ABHD1: variants seen among roughly 807,000 people sequenced by gnomAD.
ABHD1 encodes the protein abhydrolase domain containing 1, also known as protein ABHD1.
ABHD1 carries 47 observed loss-of-function variants against 41.4 expected under a neutral mutation model. That is an observed-to-expected ratio of 1.13 (90% CI 0.90 to 1.45). The LOEUF is 1.45. Ranked by LOEUF, ABHD1 falls within the 40% of genes most tolerant of loss-of-function variation. The pLI, the probability that ABHD1 is intolerant of heterozygous loss-of-function variation, is 0.00. For missense variants in ABHD1, 550 were observed against 503.4 expected (o/e 1.09, Z -0.89); for synonymous variants, 205 against 203.7 (o/e 1.01, Z -0.05).
rs1449965121 is a variant in ABHD1 at position 27,129,129 on chromosome 2, T to C, written c.458+2T>C. ...CCAAGCTCTGAGGGATGGCTACCAG[T>C]AAGGATGGGTGCAGCCCCAGAGTGG... On this transcript the variant is annotated splice_donor_variant, in intron 3 of 8. Transcript: ENST00000316470. LOFTEE classifies it high-confidence loss of function. The C allele has an allele frequency of 6.2e-7, 1 of 1,612,030 alleles. No individual in the cohort carries two copies. Among genetic ancestry groups the C allele is most frequent in the East Asian group, 2.2e-5 (1 of 44,862 alleles).
At position 27,130,255 on chromosome 2, in the gene ABHD1, G is replaced by C. The variant is rs145985238; in HGVS notation, c.845G>C (p.Arg282Pro). The C allele has an allele frequency of 2.7e-5, 43 of 1,614,086 alleles. No individual in the cohort carries two copies. The highest frequency in any genetic ancestry group is 3.6e-5 in the Non-Finnish European group (42 of 1,180,034). ...ATCCTATGGTAAGACCTGCAGGCCC[G>C]TACAATCCGCCAGTTTGATGAGCGC... ...VVDIDFVLQA[R>P]TIRQFDERYT... Residue 282 changes from arginine to proline, a missense_variant, in exon 8 of 9, where the codon CGT becomes CCT. By Grantham distance (103) the Arg-to-Pro change is moderately radical. Coordinates refer to ENST00000316470, the MANE Select transcript of ABHD1 (RefSeq NM_032604.4).
In ABHD1 at chr2:27,128,987, C is replaced by T. The variant is rs371529032; in HGVS notation, c.318C>T (p.Asp106=). Residue 106 remains aspartate (D), a synonymous_variant, in exon 3 of 9, where the codon GAC becomes GAT. Coordinates refer to ENST00000316470, the MANE Select transcript of ABHD1 (RefSeq NM_032604.4). Reference sequence around the variant, plus strand: ...CAGATGGAGGCCAGCTCCTGCTAGACTGGGCCAAGCAGCCTGACAGCAGCC... The same window carrying T: ...CAGATGGAGGCCAGCTCCTGCTAGATTGGGCCAAGCAGCCTGACAGCAGCC... ...QTPDGGQLLL[D]WAKQPDSSQD... 2.2e-5 allele frequency: 36 copies of T among 1,614,090 alleles called. No individual in the cohort carries two copies. In the African/African-American group the frequency reaches 3.3e-4, roughly 15 times the overall value.
At chr2:27,124,124 G>C in intron 1 of ABHD1, 62 bp downstream of exon 1, 1 of 1,478,816 alleles carries the variant, frequency 6.8e-7, no homozygotes, top group Non-Finnish European at 9.4e-7. Flanking sequence ...TTCCAGACAC[G>C]GGCTTGGGCC....
intron 1 of ABHD1, chr2:27,125,387 T>G (rs1388880642): frequency 6.6e-6 from 1 of 152,210 alleles, no homozygotes; most frequent in Non-Finnish European, 1.5e-5. Context: ...CTGGAGGCCC[T>G]CTAGATACGG....
intron 2 of ABHD1, 83 bp from the exon 3 acceptor site, chr2:27,128,862 T>C (rs1672089619): frequency 1.4e-6 from 2 of 1,480,894 alleles, no homozygotes; most frequent in Non-Finnish European, 1.8e-6. Flanking sequence ...TAAGACTTGT[T>C]TGTGGGTGGG....
Position 27,130,729 on chromosome 2 carries a change from G to T in ABHD1, c.1203G>T (p.Glu401Asp). 2 of 1,614,088 alleles carry T rather than the reference G, an allele frequency of 1.2e-6. No homozygotes were observed. Among genetic ancestry groups the T allele is most frequent in the Non-Finnish European group, 8.5e-7 (1 of 1,179,998 alleles). Residue 401 changes from glutamate (E) to aspartate (D), a missense_variant, in exon 9 of 9, where the codon GAG becomes GAT. Coordinates refer to ENST00000316470, the MANE Select transcript of ABHD1 (RefSeq NM_032604.4). ...ACCTCAGGGCTCTCTTACCTTCTGA[G>T]GACAGAAACAGCTGACAAGAGTACC... Reference protein sequence around the residue: ...LPDLRALLPSEDRNS With the variant: ...LPDLRALLPSDDRNS
rs1558475383 is a variant in ABHD1, at chr2:27,129,578, AT to A, written c.570del (p.Arg191ValfsTer20). 1.2e-6 allele frequency: 2 copies of A among 1,613,960 alleles called. No homozygotes were observed. Among genetic ancestry groups the A allele is most frequent in the Non-Finnish European group, 1.7e-6 (2 of 1,180,048 alleles). ...GAGACAGTCGTGAACCACATAAAGC[AT>A]CGTTATCCCCAAGCTCCACTGCTGG... ...DLETVVNHIK[H>X]RYPQAPLLAV... On this transcript the variant is annotated frameshift_variant, in exon 5 of 9. Transcript: ENST00000316470. LOFTEE classifies it high-confidence loss of function.
intron 1 of ABHD1, 178 bp from the exon 2 acceptor site, chr2:27,128,263 G>A (rs541257873): frequency 4.1e-6 from 3 of 738,598 alleles, no homozygotes; most frequent in East Asian, 5.4e-5. Flanking sequence ...GCTCTAGCTG[G>A]AGTGTATTAT....
chr2:27,125,566 T>A (rs368584245), intron 1 of ABHD1: 53 of 152,294 alleles, frequency 3.5e-4, no homozygotes, highest in African/African-American at 1.3e-3. Flanking sequence ...ATAAGTCTTG[T>A]TCCACACTAC....
chr2:27,130,131 T>G lies in ABHD1; in HGVS notation c.818T>G (p.Val273Gly). Residue 273 changes from valine to glycine, a missense_variant, in exon 7 of 9, where the codon GTG (valine) becomes GGG (glycine). Val to Gly is a moderately radical substitution (Grantham distance 109). Transcript: ENST00000316470. ...AACAGAAAGGTGATTGAAAAGGTGG[T>G]GGACATAGACTTTGTACTACAGGTA... ...ERNRKVIEKV[V>G]DIDFVLQART... The G allele has an allele frequency of 1.2e-6, 2 of 1,614,214 alleles. No individual in the cohort carries two copies. Among genetic ancestry groups the G allele is most frequent in the Non-Finnish European group, 1.7e-6 (2 of 1,180,048 alleles).
chr2:27,130,300 G>C lies in ABHD1; in HGVS notation c.890G>C (p.Gly297Ala), dbSNP rs753757370. The change falls in exon 8 of 9, where the codon GGA becomes GCA. Residue 297 changes from glycine (G) to alanine (A), a missense_variant. Transcript: ENST00000316470. Reference sequence around the variant, plus strand: ...GAGCGCTACACATCTGTGGCCTTTGGATATCAAGACTGTGTTACCTACTAC... The same window carrying C: ...GAGCGCTACACATCTGTGGCCTTTGCATATCAAGACTGTGTTACCTACTAC... The part of the protein sequence containing the change: ...FDERYTSVAF[G>A]YQDCVTYYKA... The C allele has an allele frequency of 1.2e-6, 2 of 1,614,104 alleles. No homozygotes were observed. Among genetic ancestry groups the C allele is most frequent in the South Asian group, 2.2e-5 (2 of 91,082 alleles).
At chr2:27,127,343 A>G (rs1329168836) in intron 1 of ABHD1, among the ~76,000 whole-genome samples, 1 of 141,696 alleles carries the variant, frequency 7.1e-6, no homozygotes, top group Admixed American at 7.4e-5. Context: ...TCATGAGGTC[A>G]GGAGATCGAG....
intron 1 of ABHD1, chr2:27,125,344 G>A (rs961849521): frequency 1.3e-5 from 2 of 152,066 alleles, no homozygotes; most frequent in Non-Finnish European, 2.9e-5. Context: ...ATAAGCTAAC[G>A]AATACTGGTT....
Position 27,129,318 on chromosome 2 carries a change from C to T in ABHD1, c.461C>T (p.Ala154Val). 6.2e-7 allele frequency: 1 copy of T among 1,614,166 alleles called. No individual in the cohort carries two copies. The highest frequency in any genetic ancestry group is 1.3e-5 in the African/African-American group (1 of 75,054). The change falls in exon 4 of 9, where the codon GCT becomes GTT. Residue 154 changes from alanine (A) to valine (V), a missense_variant and splice_region_variant. By Grantham distance (64) the Ala-to-Val change is moderately conservative. Transcript: ENST00000316470. ...VNQALRDGYQAVVFNNRGCRG... is the reference protein window; with the variant it reads ...VNQALRDGYQVVVFNNRGCRG... ...AGATGTACCTGTGTGTGCCACAGGG[C>T]TGTCGTGTTTAACAACCGGGGCTGC...
At position 27,128,543 on chromosome 2, in the gene ABHD1, C is replaced by T. The variant is rs774004040; in HGVS notation, c.217C>T (p.Arg73Ter). Reference protein sequence around the residue: ...FYPTLWCFEGRLQSIFQVLLQ... With the variant: ...FYPTLWCFEG ...CCCAACGCTGTGGTGTTTTGAGGGG[C>T]GACTACAAAGCATCTTCCAAGTCCT... Residue 73 changes from arginine (R) to a stop codon, truncating the protein, a stop_gained, in exon 2 of 9, where the codon CGA becomes TGA. Coordinates refer to ENST00000316470, the MANE Select transcript of ABHD1 (RefSeq NM_032604.4). LOFTEE classifies it high-confidence loss of function. The T allele has an allele frequency of 1.2e-5, 19 of 1,613,894 alleles. No individual in the cohort carries two copies. In the East Asian group the frequency reaches 2.0e-4, roughly 17 times the overall value.
chr2:27,130,357 C>T lies in ABHD1; in HGVS notation c.947C>T (p.Ala316Val). ...GCAAGCCCTAGAACCAAGATAGATG[C>T]CATCCGGATCCCTGTGCTCTATCTC... is the stretch of plus-strand genomic sequence containing the variant. ...KAASPRTKID[A>V]IRIPVLYLSA... Residue 316 changes from alanine (A) to valine (V), a missense_variant, in exon 8 of 9, where the codon GCC (alanine) becomes GTC (valine). Coordinates refer to ENST00000316470, the MANE Select transcript of ABHD1 (RefSeq NM_032604.4). The T allele has an allele frequency of 2.5e-6, 4 of 1,614,202 alleles. No individual in the cohort carries two copies. The highest frequency in any genetic ancestry group is 3.4e-6 in the Non-Finnish European group (4 of 1,180,046).
Position 27,129,584 on chromosome 2 carries a change from AT to A in ABHD1, c.576del (p.Gln194LysfsTer17). ...GTCGTGAACCACATAAAGCATCGTT[AT>A]CCCCAAGCTCCACTGCTGGCCGTGG... ...ETVVNHIKHR[Y>X]PQAPLLAVGI... On this transcript the variant is annotated frameshift_variant, in exon 5 of 9. Coordinates refer to ENST00000316470, the MANE Select transcript of ABHD1 (RefSeq NM_032604.4). LOFTEE classifies it high-confidence loss of function. 6.2e-7 allele frequency: 1 copy of A among 1,613,946 alleles called. No homozygotes were observed. The highest frequency in any genetic ancestry group is 1.3e-5 in the African/African-American group (1 of 75,062).
Position 27,123,910 on chromosome 2 carries a change from C to T in ABHD1, c.-39C>T. On this transcript the variant is annotated 5_prime_UTR_variant, in exon 1 of 9. Coordinates refer to ENST00000316470, the MANE Select transcript of ABHD1 (RefSeq NM_032604.4). Reference sequence around the variant, plus strand: ...GCGAGTTACAGCCGGCCAACTGGGGCCAGCCAGGAGCCTGAGGGTCGGAAG... The same window carrying T: ...GCGAGTTACAGCCGGCCAACTGGGGTCAGCCAGGAGCCTGAGGGTCGGAAG... 1.9e-6 allele frequency: 3 copies of T among 1,582,896 alleles called. No homozygotes were observed. Among genetic ancestry groups the T allele is most frequent in the East Asian group, 2.2e-5 (1 of 44,682 alleles).
chr2:27,129,260 G>C lies in ABHD1; in HGVS notation c.459-56G>C, dbSNP rs548737631. ...TTGGACAGGGGTCTTTCTGAATACT[G>C]AAAGGGGAGAGGGGCTAAGAAGGGT... On this transcript the variant is annotated intron_variant, in intron 3 of 8. Transcript: ENST00000316470. The C allele has an allele frequency of 8.5e-5, 137 of 1,610,162 alleles. 1 individual carries two copies. The South Asian group carries it at 1.4e-3, about 17-fold the overall frequency.
Sources: allele counts gnomAD v4.1 joint callset (sites outside exome capture counted in the v4.1 genomes callset), GRCh38; gene constraint gnomAD v4.1.1; transcripts MANE v1.5; gene names NCBI Gene and HGNC (gene_info 2026-07-23, HGNC 2026-07-21).